The following KIAA1217 variants were observed in gnomAD, a reference collection of about 807,000 sequenced individuals.
KIAA1217 encodes the protein KIAA1217, also known as sickle tail protein homolog.
Under a neutral mutation model 163.9 loss-of-function variants are expected in KIAA1217, and 88 were observed. That is an observed-to-expected ratio of 0.54 (90% CI 0.45 to 0.64). KIAA1217 has a LOEUF of 0.64. Among genes scored for constraint, KIAA1217 ranks in the 30% least tolerant of loss-of-function variants. The probability of loss-of-function intolerance (pLI) is 0.00; values close to 1 mark genes in which losing one functional copy is unlikely to be tolerated. For missense variants in KIAA1217, 2,372 were observed against 2,475.0 expected, an observed-to-expected ratio of 0.96 and a Z score of 0.88; for synonymous variants, 903 against 923.1, an observed-to-expected ratio of 0.98 and a Z score of 0.39.
chr10:24,132,344 A>T (rs1234557121), intron 2 of KIAA1217, among the ~76,000 whole-genome samples: 1 of 152,214 alleles, frequency 6.6e-6, no homozygotes, highest in Non-Finnish European at 1.5e-5. Flanking sequence ...TGGAGTTAAT[A>T]AGGTGTGTGA....
intron 2 of KIAA1217, among the ~76,000 whole-genome samples, chr10:24,051,616 T>G (rs1185064990): frequency 1.3e-5 from 2 of 152,136 alleles, no homozygotes; most frequent in Non-Finnish European, 2.9e-5. Flanking sequence ...AACGCCAACA[T>G]CTGTTATTTC....
At chr10:23,876,687 T>C (rs528028898) in intron 1 of KIAA1217, among the ~76,000 whole-genome samples, 98 of 152,078 alleles carry the variant, frequency 6.4e-4, no homozygotes, top group African/African-American at 2.2e-3. Context: ...TTCTCATAAA[T>C]TCTTCTTTCT....
intron 1 of KIAA1217, among the ~76,000 whole-genome samples, chr10:23,971,077 G>T (rs1477216371): frequency 1.3e-5 from 2 of 152,182 alleles, no homozygotes; most frequent in African/African-American, 4.8e-5. Flanking sequence ...TTACATGTTG[G>T]CATACTCCAG....
intron 5 of KIAA1217, among the ~76,000 whole-genome samples, chr10:24,444,274 A>C (rs2060738422): frequency 6.6e-6 from 1 of 152,160 alleles, no homozygotes; most frequent in African/African-American, 2.4e-5. Flanking sequence ...GGCCTCCTAA[A>C]GTGCTGGATT....
intron 2 of KIAA1217, chr10:24,367,089 A>G: frequency 1.1e-6 from 1 of 936,922 alleles, no homozygotes; most frequent in Non-Finnish European, 1.3e-6. Context: ...TTTCTTTCCT[A>G]TTTTTTTCTT....
At chr10:23,725,734 C>T (rs146215552) in intron 1 of KIAA1217, among the ~76,000 whole-genome samples, 164 of 152,242 alleles carry the variant, frequency 1.1e-3, no homozygotes, top group Admixed American at 2.2e-3. Flanking sequence ...TTGTTTATTC[C>T]TTGAACTTTT....
chr10:24,125,307 A>G (rs2063428683), intron 2 of KIAA1217, among the ~76,000 whole-genome samples: 1 of 144,592 alleles, frequency 6.9e-6, no homozygotes, highest in African/African-American at 2.5e-5. Flanking sequence ...GATTTGTCTG[A>G]AAGAATCCTA....
intron 2 of KIAA1217, among the ~76,000 whole-genome samples, chr10:24,022,212 A>G (rs1413868557): frequency 2.0e-5 from 3 of 151,696 alleles, no homozygotes; most frequent in Non-Finnish European, 4.4e-5. Flanking sequence ...TGATTTAAAA[A>G]AAACTTGCAT....
chr10:24,081,887 T>C (rs1564677836), intron 2 of KIAA1217, among the ~76,000 whole-genome samples: 1 of 152,140 alleles, frequency 6.6e-6, no homozygotes, highest in Non-Finnish European at 1.5e-5. Context: ...TGGAAGCTAC[T>C]TACATTCTAG....
intron 1 of KIAA1217, among the ~76,000 whole-genome samples, chr10:23,997,231 CAGG>C (rs988264615): frequency 1.3e-4 from 20 of 152,146 alleles, no homozygotes; most frequent in African/African-American, 4.3e-4. Flanking sequence ...GTATTATTTT[CAGG>C]AGAAGGGTTA....
At chr10:24,291,789 A>G (rs1398156125) in intron 2 of KIAA1217, among the ~76,000 whole-genome samples, 1 of 152,162 alleles carries the variant, frequency 6.6e-6, no homozygotes, top group Non-Finnish European at 1.5e-5. Flanking sequence ...TAAGGATTAC[A>G]TTTCTCTTGC....
intron 1 of KIAA1217, among the ~76,000 whole-genome samples, chr10:23,902,511 C>A (rs1841998684): frequency 6.6e-6 from 1 of 152,064 alleles, no homozygotes; most frequent in South Asian, 2.1e-4. Flanking sequence ...GTTTAGGATG[C>A]ATTCTTTGCA....
intron 1 of KIAA1217, among the ~76,000 whole-genome samples, chr10:23,957,492 C>A (rs939054148): frequency 4.6e-5 from 7 of 152,202 alleles, no homozygotes; most frequent in African/African-American, 1.7e-4. Flanking sequence ...GAGGCCAAGG[C>A]TGGCAGATCA....
At chr10:24,243,526 T>G (rs1183114435) in intron 2 of KIAA1217, among the ~76,000 whole-genome samples, 1 of 152,100 alleles carries the variant, frequency 6.6e-6, no homozygotes, top group Non-Finnish European at 1.5e-5. Context: ...AGTATTTGTT[T>G]TTTTTGTTTC....
intron 2 of KIAA1217, among the ~76,000 whole-genome samples, chr10:24,174,471 C>T (rs538128650): frequency 6.6e-6 from 1 of 152,310 alleles, no homozygotes; most frequent in Admixed American, 6.5e-5. Flanking sequence ...AACCCCATTT[C>T]CTATCACAGA....
intron 2 of KIAA1217, among the ~76,000 whole-genome samples, chr10:24,172,466 C>T (rs142832740): frequency 1.1e-4 from 17 of 152,300 alleles, no homozygotes; most frequent in Admixed American, 5.2e-4. Flanking sequence ...GGGTTCGGGT[C>T]TTGACCGCAG....
rs550994036 is a variant in KIAA1217 at position 23,824,197 on chromosome 10, G to A, written c.-321+128963G>A. On this transcript the variant is annotated intron_variant, in intron 1 of 18. Transcript: ENST00000376462. ...CTGAAGTGGGAGGATCACTTGATCT[G>A]GGGGTGGTAGAGGTTGTACTGAGCT... 6.1e-4 allele frequency among the ~76,000 whole-genome samples: 93 copies of A among 152,080 alleles called. 1 individual carries two copies. Among genetic ancestry groups the A allele is most frequent in the African/African-American group, 2.2e-3 (90 of 41,502 alleles).
At chr10:24,272,395 C>T (rs760977275) in intron 2 of KIAA1217, among the ~76,000 whole-genome samples, 23 of 152,108 alleles carry the variant, frequency 1.5e-4, no homozygotes, top group Non-Finnish European at 3.1e-4. Context: ...ATTCAAGTTG[C>T]ACAAATAACT....
rs976682846 is a variant in KIAA1217 at position 24,094,042 on chromosome 10, G to A, written c.-171+86668G>A. On this transcript the variant is annotated intron_variant, in intron 2 of 18. Coordinates refer to the KIAA1217 transcript ENST00000376462. ...ATATGTGCCACATTTTCTTAATCCAGTCTATCATTGTTGGACATTTGGGTT... is the reference window on the plus strand; with the variant it reads ...ATATGTGCCACATTTTCTTAATCCAATCTATCATTGTTGGACATTTGGGTT... Among the ~76,000 whole-genome samples the A allele has an allele frequency of 1.3e-4, 20 of 151,316 alleles. No individual in the cohort carries two copies. In the East Asian group the frequency reaches 1.5e-3, roughly 12 times the overall value.
Sources: gnomAD v4.1 joint callset for allele counts (sites outside exome capture counted in the v4.1 genomes callset) on GRCh38, gnomAD v4.1.1 for gene constraint, MANE v1.5 for transcripts, NCBI Gene and HGNC (gene_info 2026-07-23, HGNC 2026-07-21) for gene names.